The following IL1RAPL2 variants were observed in gnomAD, a reference collection of about 807,000 sequenced individuals.
The protein encoded by IL1RAPL2 is X-linked interleukin-1 receptor accessory protein-like 2.
In IL1RAPL2, 3 loss-of-function variants were observed where a neutral mutation model predicts 44.1. The observed-to-expected ratio is 0.07, with a 90% confidence interval of 0.03 to 0.18. The LOEUF (loss-of-function observed/expected upper bound fraction) is 0.18. IL1RAPL2 is among the 10% of genes least tolerant of loss of function. IL1RAPL2 has a pLI of 1.00. For synonymous variants in IL1RAPL2, 181 were observed against 178.8 expected (o/e 1.01, Z -0.10); for missense variants, 391 against 496.4 (o/e 0.79, Z 2.02).
intron 5 of IL1RAPL2, among the ~76,000 whole-genome samples, chrX:105,407,483 T>G (rs779200706): frequency 8.9e-6 from 1 of 111,970 alleles, no homozygotes; most frequent in South Asian, 3.7e-4. Context: ...ATATTTAAAT[T>G]GTTAAAACTT....
intron 2 of IL1RAPL2, among the ~76,000 whole-genome samples, chrX:104,676,870 C>G (rs1225443616): frequency 9.0e-6 from 1 of 111,641 alleles, no homozygotes; most frequent in Admixed American, 9.6e-5. Context: ...TCGCTGATAC[C>G]CTTTCTTCCA....
intron 2 of IL1RAPL2, among the ~76,000 whole-genome samples, chrX:104,742,442 T>C (rs1932113492): frequency 1.8e-5 from 2 of 111,475 alleles, no homozygotes; most frequent in Admixed American, 9.5e-5. Flanking sequence ...CTCTGGCCAA[T>C]TGTAAATGGC....
chrX:104,582,510 CTCTT>C (rs200983071), intron 1 of IL1RAPL2, among the ~76,000 whole-genome samples: 1,620 of 109,391 alleles, frequency 0.015, 32 homozygotes, highest in African/African-American at 0.051. Context: ...CTCTCTCTCT[CTCTT>C]TCTTTCTTTT....
intron 2 of IL1RAPL2, among the ~76,000 whole-genome samples, chrX:105,136,565 A>C (rs779140245): frequency 1.4e-4 from 16 of 112,844 alleles, no homozygotes; most frequent in Non-Finnish European, 1.5e-4. Context: ...TGCACAAATT[A>C]ATTCTAAAGA....
At chrX:104,843,183 C>A (rs1204966833) in intron 2 of IL1RAPL2, among the ~76,000 whole-genome samples, 1 of 111,956 alleles carries the variant, frequency 8.9e-6, no homozygotes. Context: ...CAGTCCAAAC[C>A]TCCCAGTCTC....
chrX:105,100,461 G>C (rs1006673196), intron 2 of IL1RAPL2, among the ~76,000 whole-genome samples: 5 of 111,521 alleles, frequency 4.5e-5, no homozygotes, highest in African/African-American at 1.6e-4. Context: ...CTCAGTTTGG[G>C]GTCTAGAGTA....
intron 2 of IL1RAPL2, among the ~76,000 whole-genome samples, chrX:105,049,387 T>C (rs1426274392): frequency 1.8e-5 from 2 of 111,854 alleles, no homozygotes; most frequent in African/African-American, 6.5e-5. Context: ...CCCTTCTTCA[T>C]GTTAGGCAGA....
At chrX:104,983,209 C>T (rs2030476215) in intron 2 of IL1RAPL2, among the ~76,000 whole-genome samples, 1 of 108,757 alleles carries the variant, frequency 9.2e-6, no homozygotes, top group African/African-American at 3.3e-5. Flanking sequence ...ATTTAAGCAA[C>T]TGCACACACA....
chrX:105,101,126 C>T (rs1019648244), intron 2 of IL1RAPL2, among the ~76,000 whole-genome samples: 3 of 111,797 alleles, frequency 2.7e-5, no homozygotes, highest in Non-Finnish European at 3.8e-5. Context: ...GAACAACTCC[C>T]GATTCCTCTC....
At chrX:104,813,633 C>T (rs1921056886) in intron 2 of IL1RAPL2, among the ~76,000 whole-genome samples, 1 of 111,499 alleles carries the variant, frequency 9.0e-6, no homozygotes, top group Non-Finnish European at 1.9e-5. Flanking sequence ...CTGCCACCAA[C>T]AATGTGGTCA....
intron 5 of IL1RAPL2, among the ~76,000 whole-genome samples, chrX:105,328,108 A>G (rs1191919180): frequency 9.0e-6 from 1 of 111,562 alleles, no homozygotes; most frequent in African/African-American, 3.3e-5. Flanking sequence ...AAAGGAAATC[A>G]ATGTTACAAC....
intron 2 of IL1RAPL2, among the ~76,000 whole-genome samples, chrX:104,890,259 C>T (rs1450943204): frequency 4.5e-5 from 5 of 111,729 alleles, no homozygotes; most frequent in Non-Finnish European, 9.4e-5. Context: ...AATAAACATA[C>T]GTGTGCATGT....
chrX:105,271,634 T>C (rs1029889950), intron 5 of IL1RAPL2, among the ~76,000 whole-genome samples: 2 of 110,773 alleles, frequency 1.8e-5, no homozygotes, highest in Non-Finnish European at 3.8e-5. Context: ...AAAGGCAGTA[T>C]GGCCATTTTC....
intron 6 of IL1RAPL2, among the ~76,000 whole-genome samples, chrX:105,632,480 G>A (rs957359222): frequency 8.1e-5 from 9 of 111,479 alleles, no homozygotes; most frequent in African/African-American, 2.6e-4. Context: ...CAAGAGGAAA[G>A]TCAAAGTTGT....
intron 2 of IL1RAPL2, among the ~76,000 whole-genome samples, chrX:105,060,835 A>G (rs1420453822): frequency 3.6e-5 from 4 of 110,030 alleles, no homozygotes; most frequent in Non-Finnish European, 7.6e-5. Context: ...TTATTAGCAT[A>G]TAGTTGCTCA....
At chrX:105,140,716 A>C (rs2033118554) in intron 2 of IL1RAPL2, among the ~76,000 whole-genome samples, 1 of 112,851 alleles carries the variant, frequency 8.9e-6, no homozygotes, top group Non-Finnish European at 1.9e-5. Context: ...TAAATGAATA[A>C]TTTCAGATGT....
At chrX:105,220,707 C>G in intron 3 of IL1RAPL2, 1 of 236,005 alleles carries the variant, frequency 4.2e-6, no homozygotes, top group Non-Finnish European at 7.7e-6. Flanking sequence ...AGACTCAGGG[C>G]CAACGTCGGC....
At chrX:104,911,080 A>G (rs1924222139) in intron 2 of IL1RAPL2, among the ~76,000 whole-genome samples, 2 of 112,121 alleles carry the variant, frequency 1.8e-5, no homozygotes, top group Non-Finnish European at 3.8e-5. Flanking sequence ...GATCAACATT[A>G]TCTCAAGAAA....
chrX:105,395,048 A>G (rs908282165), intron 5 of IL1RAPL2, among the ~76,000 whole-genome samples: 3 of 111,443 alleles, frequency 2.7e-5, no homozygotes, highest in Non-Finnish European at 3.8e-5. Context: ...TCTGTAACCA[A>G]ACTGTAACTC....
Sources: allele counts gnomAD v4.1 joint callset (sites outside exome capture counted in the v4.1 genomes callset), GRCh38; gene constraint gnomAD v4.1.1; transcripts MANE v1.5; gene names NCBI Gene and HGNC (gene_info 2026-07-23, HGNC 2026-07-21).